PTPRG: variants seen among roughly 807,000 people sequenced by gnomAD.
PTPRG encodes the protein protein tyrosine phosphatase receptor type G.
A neutral mutation model predicts 165.3 loss-of-function variants in PTPRG; 102 were observed. The ratio of observed to expected loss-of-function variants is 0.62; its 90% CI spans 0.53 to 0.73. PTPRG has a LOEUF of 0.73. Ranked by LOEUF, PTPRG falls within the 30% of genes least tolerant of loss-of-function variation. The pLI is 0.00. For missense variants in PTPRG, 1,866 were observed against 1,861.4 expected, an observed-to-expected ratio of 1.00 and a Z score of -0.05; for synonymous variants, 675 against 669.5, an observed-to-expected ratio of 1.01 and a Z score of -0.13.
At chr3:62,091,242 A>G (rs1701918611) in intron 5 of PTPRG, among the ~76,000 whole-genome samples, 1 of 152,178 alleles carries the variant, frequency 6.6e-6, no homozygotes, top group Admixed American at 6.5e-5. Context: ...TTCAGATCTG[A>G]TTGCAGTTGG....
intron 1 of PTPRG, among the ~76,000 whole-genome samples, chr3:61,670,074 A>G (rs1702927323): frequency 6.6e-6 from 1 of 152,186 alleles, no homozygotes; most frequent in Non-Finnish European, 1.5e-5. Flanking sequence ...TTTGATGGGG[A>G]TAAATATCTG....
intron 1 of PTPRG, among the ~76,000 whole-genome samples, chr3:61,568,260 A>G (rs1422364914): frequency 3.9e-5 from 6 of 152,192 alleles, no homozygotes; most frequent in African/African-American, 1.4e-4. Context: ...AGAACATGGG[A>G]TTGTTAATGT....
intron 1 of PTPRG, among the ~76,000 whole-genome samples, chr3:61,657,029 T>C (rs930205094): frequency 6.6e-6 from 1 of 152,188 alleles, no homozygotes; most frequent in African/African-American, 2.4e-5. Context: ...CAAGCATATT[T>C]ATTGAATATC....
chr3:61,978,298 C>A (rs939949131), intron 2 of PTPRG, among the ~76,000 whole-genome samples: 2 of 152,098 alleles, frequency 1.3e-5, no homozygotes, highest in South Asian at 4.1e-4. Context: ...ATTAAGTATT[C>A]TTTATTGTAT....
At chr3:62,073,656 A>AT (rs1559781309) in intron 4 of PTPRG, among the ~76,000 whole-genome samples, 4 of 151,926 alleles carry the variant, frequency 2.6e-5, no homozygotes, top group Admixed American at 1.3e-4. Flanking sequence ...TAATTTTTGT[A>AT]TTTTTGTAGA....
chr3:62,014,024 C>A (rs750212979), intron 4 of PTPRG, among the ~76,000 whole-genome samples: 1 of 152,168 alleles, frequency 6.6e-6, no homozygotes, highest in African/African-American at 2.4e-5. Flanking sequence ...ACACCACCAA[C>A]TGCCTTTTTC....
At position 62,282,880 on chromosome 3, in the gene PTPRG, G is replaced by A. The variant is rs1200468816; in HGVS notation, c.4055+11G>A. On this transcript the variant is annotated intron_variant, in intron 28 of 29. Coordinates refer to ENST00000474889, the MANE Select transcript of PTPRG (RefSeq NM_002841.4). Reference sequence around the variant, plus strand: ...CATTGTTCATGATGAGTATGTATCTGTTTCTTAATTTTAAAATGTAGACCG... The same window carrying A: ...CATTGTTCATGATGAGTATGTATCTATTTCTTAATTTTAAAATGTAGACCG... 3 of 1,578,638 alleles carry A rather than the reference G, an allele frequency of 1.9e-6. No individual in the cohort carries two copies. Among genetic ancestry groups the A allele is most frequent in the African/African-American group, 2.8e-5 (2 of 72,678 alleles).
chr3:61,790,247 G>T (rs1195506278), intron 2 of PTPRG, among the ~76,000 whole-genome samples: 1 of 152,174 alleles, frequency 6.6e-6, no homozygotes, highest in Non-Finnish European at 1.5e-5. Context: ...GTCCCCTAAT[G>T]TTGCTGGACT....
chr3:61,589,642 G>A (rs1489649234), intron 1 of PTPRG, among the ~76,000 whole-genome samples: 1 of 152,152 alleles, frequency 6.6e-6, no homozygotes, highest in Non-Finnish European at 1.5e-5. Flanking sequence ...GGGGGTGTCA[G>A]TATGCGTAGC....
chr3:61,606,842 C>A (rs1042718665), intron 1 of PTPRG, among the ~76,000 whole-genome samples: 6 of 152,196 alleles, frequency 3.9e-5, no homozygotes, highest in Non-Finnish European at 8.8e-5. Context: ...AGGGCCCTAA[C>A]TATTATTACT....
At chr3:62,018,701 G>A (rs758504508) in intron 4 of PTPRG, among the ~76,000 whole-genome samples, 30 of 152,248 alleles carry the variant, frequency 2.0e-4, no homozygotes, top group Non-Finnish European at 2.6e-4. Flanking sequence ...AAAGCTCAAG[G>A]CATCCCTTGG....
intron 2 of PTPRG, among the ~76,000 whole-genome samples, chr3:61,973,560 G>T (rs1374550819): frequency 6.6e-6 from 1 of 152,056 alleles, no homozygotes; most frequent in Non-Finnish European, 1.5e-5. Flanking sequence ...GTCCAGATGC[G>T]GTGGCTCATA....
intron 4 of PTPRG, among the ~76,000 whole-genome samples, chr3:62,043,503 G>A (rs1451197311): frequency 6.6e-6 from 1 of 152,132 alleles, no homozygotes; most frequent in Non-Finnish European, 1.5e-5. Context: ...CTTCTCATAA[G>A]AGAATAAACA....
chr3:61,629,497 G>C (rs1375466835), intron 1 of PTPRG, among the ~76,000 whole-genome samples: 1 of 152,108 alleles, frequency 6.6e-6, no homozygotes, highest in Non-Finnish European at 1.5e-5. Context: ...GGTAAAAGAG[G>C]GTCCTAGGAA....
chr3:61,884,610 A>G (rs1163494441), intron 2 of PTPRG, among the ~76,000 whole-genome samples: 1 of 152,246 alleles, frequency 6.6e-6, no homozygotes, highest in African/African-American at 2.4e-5. Context: ...GTGGAGGACC[A>G]GTTTACACAG....
At chr3:62,042,364 A>G (rs1181160111) in intron 4 of PTPRG, among the ~76,000 whole-genome samples, 2 of 152,214 alleles carry the variant, frequency 1.3e-5, no homozygotes, top group Non-Finnish European at 2.9e-5. Context: ...CCCAGTGTCC[A>G]TATTTTAAAG....
At chr3:61,947,955 T>G (rs1175123773) in intron 2 of PTPRG, among the ~76,000 whole-genome samples, 1 of 152,056 alleles carries the variant, frequency 6.6e-6, no homozygotes, top group African/African-American at 2.4e-5. Flanking sequence ...TAAAAGGAAA[T>G]CTGAGTGGGT....
At chr3:61,844,962 G>T (rs1439384991) in intron 2 of PTPRG, among the ~76,000 whole-genome samples, 10 of 152,180 alleles carry the variant, frequency 6.6e-5, no homozygotes, top group Admixed American at 6.5e-4. Flanking sequence ...CTAGGGCAAG[G>T]CTATATCTGC....
Position 61,998,647 on chromosome 3 carries a change from C to T in PTPRG, c.371-4702C>T, listed in dbSNP as rs114594430. On this transcript the variant is annotated intron_variant, in intron 3 of 29. Transcript: ENST00000474889. ...CTTCTTGTATCAAGAAGGTATAGAC[C>T]TCCAGAGCCCATAGGTAGCCACGGC... Among the ~76,000 whole-genome samples the T allele has an allele frequency of 6.0e-3, 918 of 152,304 alleles. 15 individuals are homozygous for T. The highest frequency in any genetic ancestry group is 0.021 in the African/African-American group (876 of 41,578).
Sources: gnomAD v4.1 joint callset for allele counts (sites outside exome capture counted in the v4.1 genomes callset) on GRCh38, gnomAD v4.1.1 for gene constraint, MANE v1.5 for transcripts, NCBI Gene and HGNC (gene_info 2026-07-23, HGNC 2026-07-21) for gene names.